Variants in DPYD observed in about 807,000 individuals in gnomAD.
DPYD encodes dihydropyrimidine dehydrogenase [NADP(+)].
In DPYD, 109 loss-of-function variants were observed where a neutral mutation model predicts 116.2. The ratio of observed to expected loss-of-function variants is 0.94; its 90% CI spans 0.80 to 1.10. DPYD has a LOEUF of 1.10. DPYD is among the 50% of genes least tolerant of loss of function. The probability of loss-of-function intolerance (pLI) is 0.00; values close to 1 mark genes in which losing one functional copy is unlikely to be tolerated. For missense variants in DPYD, 1,302 were observed against 1,254.5 expected (o/e 1.04, Z -0.57); for synonymous variants, 440 against 432.0 (o/e 1.02, Z -0.23).
chr1:97,766,644 A>G (rs1338795723), intron 3 of DPYD, among the ~76,000 whole-genome samples: 1 of 152,122 alleles, frequency 6.6e-6, no homozygotes, highest in Non-Finnish European at 1.5e-5. Flanking sequence ...TGCTTCTAGA[A>G]ATCTTAAAGA....
chr1:97,167,196 G>A (rs1284093306), intron 20 of DPYD, among the ~76,000 whole-genome samples: 1 of 152,080 alleles, frequency 6.6e-6, no homozygotes, highest in Non-Finnish European at 1.5e-5. Flanking sequence ...AAGTTTTAGT[G>A]TAGTTTAAAA....
At chr1:97,144,439 T>C (rs2101702544) in intron 20 of DPYD, among the ~76,000 whole-genome samples, 1 of 152,360 alleles carries the variant, frequency 6.6e-6, no homozygotes, top group South Asian at 2.1e-4. Context: ...ATTTCAGTTA[T>C]ATTAACAATC....
At chr1:97,795,411 T>C (rs572550769) in intron 3 of DPYD, among the ~76,000 whole-genome samples, 1 of 152,164 alleles carries the variant, frequency 6.6e-6, no homozygotes, top group Admixed American at 6.5e-5. Flanking sequence ...AAATACATAA[T>C]TAACTACTCA....
chr1:97,862,999 A>C (rs997143760), intron 2 of DPYD, among the ~76,000 whole-genome samples: 5 of 151,980 alleles, frequency 3.3e-5, no homozygotes, highest in Non-Finnish European at 7.4e-5. Context: ...GAAAATGTTT[A>C]TACCCAAGAC....
At chr1:97,289,247 C>T (rs1246633981) in intron 18 of DPYD, among the ~76,000 whole-genome samples, 1 of 151,748 alleles carries the variant, frequency 6.6e-6, no homozygotes, top group Non-Finnish European at 1.5e-5. Context: ...CAGCCGAATT[C>T]TACCAGAGGT....
chr1:97,547,004 A>G lies in DPYD; in HGVS notation c.1524+2556T>C. 21 of 1,566,290 alleles carry G rather than the reference A, an allele frequency of 1.3e-5. No homozygotes were observed. In the South Asian group the frequency reaches 2.2e-4, roughly 17 times the overall value. On this transcript the variant is annotated intron_variant, in intron 12 of 22. Transcript: ENST00000370192. ...GACCATAGTGTTTGCACATATTTGCAATTTTTTGCTGTTTTGGAAGTTTAT... is the reference window on the plus strand; with the variant it reads ...GACCATAGTGTTTGCACATATTTGCGATTTTTTGCTGTTTTGGAAGTTTAT...
intron 13 of DPYD, among the ~76,000 whole-genome samples, chr1:97,478,504 T>G (rs1158755759): frequency 6.6e-6 from 1 of 152,174 alleles, no homozygotes; most frequent in Non-Finnish European, 1.5e-5. Flanking sequence ...GCCAGGATGG[T>G]CTCGATCTCT....
chr1:97,858,529 C>T (rs778745162), intron 2 of DPYD, among the ~76,000 whole-genome samples: 7 of 152,106 alleles, frequency 4.6e-5, no homozygotes, highest in Non-Finnish European at 1.0e-4. Context: ...GATAGTACAT[C>T]TGTTTTTCCT....
At chr1:97,379,077 A>G (rs1671792851) in intron 15 of DPYD, among the ~76,000 whole-genome samples, 1 of 152,244 alleles carries the variant, frequency 6.6e-6, no homozygotes, top group South Asian at 2.1e-4. Flanking sequence ...TGGCCTCTGA[A>G]GACAGGGTCT....
chr1:97,883,761 C>A (rs1672343550), intron 1 of DPYD: 2 of 386,482 alleles, frequency 5.2e-6, no homozygotes, highest in South Asian at 2.1e-5. Context: ...TTTTAGGAAT[C>A]AAACTTTATC....
rs535163271 is a variant in DPYD, at chr1:97,653,608, G to C, written c.850+25487C>G. Among the ~76,000 whole-genome samples, 3 of 152,078 alleles carry C rather than the reference G, an allele frequency of 2.0e-5. No individual in the cohort carries two copies. In the South Asian group the frequency reaches 6.2e-4, roughly 32 times the overall value. ...GTGAGACACCACGCCCAGCCAAAAT[G>C]TCAATTTCTTAGTTGTCTTATATTC... is the stretch of plus-strand genomic sequence containing the variant. On this transcript the variant is annotated intron_variant, in intron 8 of 22. Transcript: ENST00000370192.
chr1:97,172,434 A>G (rs1029087704), intron 20 of DPYD, among the ~76,000 whole-genome samples: 1 of 152,140 alleles, frequency 6.6e-6, no homozygotes, highest in Non-Finnish European at 1.5e-5. Flanking sequence ...ATTTGTTTTT[A>G]TTGCACTGAT....
intron 13 of DPYD, among the ~76,000 whole-genome samples, chr1:97,511,016 C>T (rs1371569408): frequency 6.6e-6 from 1 of 151,878 alleles, no homozygotes; most frequent in Non-Finnish European, 1.5e-5. Context: ...GCTCCAGACA[C>T]ATTAGTGGAA....
intron 11 of DPYD, among the ~76,000 whole-genome samples, chr1:97,552,750 T>C (rs1326990418): frequency 6.6e-6 from 1 of 152,028 alleles, no homozygotes; most frequent in Non-Finnish European, 1.5e-5. Context: ...TATTCTAAAA[T>C]AGAAAAAGGA....
chr1:97,518,508 C>CCAT (rs1444286782), intron 12 of DPYD, among the ~76,000 whole-genome samples: 2 of 152,086 alleles, frequency 1.3e-5, no homozygotes, highest in Non-Finnish European at 2.9e-5. Flanking sequence ...CTTTCAGCTC[C>CCAT]CATCACAAGG....
At chr1:97,370,553 C>T (rs996732562) in intron 16 of DPYD, among the ~76,000 whole-genome samples, 4 of 152,142 alleles carry the variant, frequency 2.6e-5, no homozygotes, top group Non-Finnish European at 4.4e-5. Context: ...CCTGCACGTT[C>T]AGCTCATGTA....
intron 13 of DPYD, among the ~76,000 whole-genome samples, chr1:97,475,867 A>G (rs528963644): frequency 1.3e-5 from 2 of 152,344 alleles, no homozygotes; most frequent in African/African-American, 4.8e-5. Context: ...AAAAGTTAAT[A>G]CCTGATCCAA....
intron 12 of DPYD, among the ~76,000 whole-genome samples, chr1:97,517,548 T>G (rs1648321533): frequency 6.6e-6 from 1 of 152,126 alleles, no homozygotes; most frequent in Admixed American, 6.6e-5. Context: ...TAAAACATAC[T>G]GAAATTCAAA....
At chr1:97,912,378 A>G (rs1288062544) in intron 1 of DPYD, among the ~76,000 whole-genome samples, 2 of 152,150 alleles carry the variant, frequency 1.3e-5, no homozygotes, top group Admixed American at 1.3e-4. Context: ...ACATTTTGAT[A>G]TCTCCACTCA....
Sources: allele counts gnomAD v4.1 joint callset (sites outside exome capture counted in the v4.1 genomes callset), GRCh38; gene constraint gnomAD v4.1.1; transcripts MANE v1.5; gene names NCBI Gene and HGNC (gene_info 2026-07-23, HGNC 2026-07-21).